The following NDST4 variants were observed in gnomAD, a reference collection of about 807,000 sequenced individuals.
The protein encoded by NDST4 is N-deacetylase and N-sulfotransferase 4, also known as N-heparan sulfate sulfotransferase 4.
Under a neutral mutation model 100.8 loss-of-function variants are expected in NDST4, and 63 were observed. The ratio of observed to expected loss-of-function variants is 0.62; its 90% CI spans 0.51 to 0.77. NDST4 has a LOEUF of 0.77. NDST4 is among the 30% of genes least tolerant of loss of function. The pLI is 0.00. For missense variants in NDST4, 943 were observed against 1,018.4 expected, an observed-to-expected ratio of 0.93 and a Z score of 1.01; for synonymous variants, 377 against 361.8, an observed-to-expected ratio of 1.04 and a Z score of -0.48.
At chr4:115,112,641 A>C (rs955018047) in intron 1 of NDST4, among the ~76,000 whole-genome samples, 1 of 151,910 alleles carries the variant, frequency 6.6e-6, no homozygotes, top group Non-Finnish European at 1.5e-5. Context: ...AATCAGGACA[A>C]ATTCTAAGAA....
intron 1 of NDST4, among the ~76,000 whole-genome samples, chr4:115,100,719 T>C (rs1406399461): frequency 1.3e-5 from 2 of 151,984 alleles, no homozygotes; most frequent in Non-Finnish European, 2.9e-5. Flanking sequence ...GTTTCTCTAC[T>C]CTTCAATTTC....
intron 3 of NDST4, among the ~76,000 whole-genome samples, chr4:114,972,380 A>G (rs916152512): frequency 6.6e-6 from 1 of 151,942 alleles, no homozygotes; most frequent in Admixed American, 6.6e-5. Flanking sequence ...TGGCACCTTC[A>G]ATGCTACTAC....
At chr4:115,102,971 G>GTC (rs1729764081) in intron 1 of NDST4, among the ~76,000 whole-genome samples, 2 of 152,010 alleles carry the variant, frequency 1.3e-5, no homozygotes. Context: ...GCCTCCCAAA[G>GTC]TCCTGGGATT....
At chr4:115,087,549 T>C (rs1729433072) in intron 1 of NDST4, among the ~76,000 whole-genome samples, 1 of 152,162 alleles carries the variant, frequency 6.6e-6, no homozygotes, top group East Asian at 1.9e-4. Flanking sequence ...TTAAAGTTAC[T>C]GACTTAAGCT....
chr4:114,943,528 T>C (rs962040134), intron 4 of NDST4, among the ~76,000 whole-genome samples: 2 of 152,178 alleles, frequency 1.3e-5, no homozygotes, highest in African/African-American at 4.8e-5. Flanking sequence ...CTTATAGTCT[T>C]ACATGAATAT....
chr4:114,956,061 T>C (rs1196336629), intron 4 of NDST4: 1 of 152,216 alleles, frequency 6.6e-6, no homozygotes, highest in Non-Finnish European at 1.5e-5. Context: ...AAAGAAGCTG[T>C]ACTCTAAGTG....
At chr4:114,873,692 T>A (rs1724197925) in intron 6 of NDST4, among the ~76,000 whole-genome samples, 1 of 152,042 alleles carries the variant, frequency 6.6e-6, no homozygotes, top group South Asian at 2.1e-4. Context: ...TTCTTTATAA[T>A]CACCACAAAA....
intron 4 of NDST4, among the ~76,000 whole-genome samples, chr4:114,941,691 A>T (rs2126228166): frequency 6.6e-6 from 1 of 152,188 alleles, no homozygotes; most frequent in South Asian, 2.1e-4. Context: ...TTTGTTTTTA[A>T]CGGAGATCCT....
intron 1 of NDST4, among the ~76,000 whole-genome samples, chr4:115,110,511 C>A (rs1041648413): frequency 6.6e-6 from 1 of 151,868 alleles, no homozygotes; most frequent in Non-Finnish European, 1.5e-5. Context: ...TATGCTACAA[C>A]AGTATTTAGT....
chr4:114,943,159 C>T (rs74832362), intron 4 of NDST4, among the ~76,000 whole-genome samples: 1 of 149,302 alleles, frequency 6.7e-6, no homozygotes, highest in African/African-American at 2.4e-5. Context: ...ATGTATTTCC[C>T]ATAAAATTCA....
At chr4:114,850,838 T>C (rs980670087) in intron 8 of NDST4, among the ~76,000 whole-genome samples, 1 of 152,190 alleles carries the variant, frequency 6.6e-6, no homozygotes, top group Non-Finnish European at 1.5e-5. Flanking sequence ...AGAATTTGAC[T>C]CTGAATGATG....
At chr4:115,047,880 T>C (rs2126277376) in intron 2 of NDST4, among the ~76,000 whole-genome samples, 1 of 152,262 alleles carries the variant, frequency 6.6e-6, no homozygotes, top group African/African-American at 2.4e-5. Flanking sequence ...ATAAAAATAA[T>C]GACTTGTCAA....
At chr4:115,093,469 C>A (rs112725339) in intron 1 of NDST4, among the ~76,000 whole-genome samples, 1,945 of 151,080 alleles carry the variant, frequency 0.013, 42 homozygotes, top group African/African-American at 0.045. Flanking sequence ...AGCAAGACTC[C>A]GTCTCAAAAA....
At chr4:114,966,289 C>T (rs1485273047) in intron 4 of NDST4, among the ~76,000 whole-genome samples, 1 of 151,926 alleles carries the variant, frequency 6.6e-6, no homozygotes, top group Non-Finnish European at 1.5e-5. Flanking sequence ...ATTCACATGG[C>T]ATATGTGTGT....
chr4:115,006,854 G>T (rs1727430643), intron 2 of NDST4, among the ~76,000 whole-genome samples: 1 of 152,046 alleles, frequency 6.6e-6, no homozygotes, highest in Non-Finnish European at 1.5e-5. Context: ...AATGGTTATG[G>T]TGTGAATGGA....
chr4:115,046,737 G>C (rs561396216), intron 2 of NDST4, among the ~76,000 whole-genome samples: 2 of 152,138 alleles, frequency 1.3e-5, no homozygotes, highest in East Asian at 3.9e-4. Context: ...CTGGAAAATT[G>C]TTTATTCAGG....
At chr4:114,851,190 A>G (rs1723668413) in intron 8 of NDST4, among the ~76,000 whole-genome samples, 1 of 151,848 alleles carries the variant, frequency 6.6e-6, no homozygotes, top group African/African-American at 2.4e-5. Context: ...CGTATTTGTG[A>G]CCCCCCTGCA....
At chr4:114,853,955 T>C (rs1723734196) in intron 7 of NDST4, among the ~76,000 whole-genome samples, 1 of 152,180 alleles carries the variant, frequency 6.6e-6, no homozygotes, top group Non-Finnish European at 1.5e-5. Flanking sequence ...ATTTATCATT[T>C]CTTGTAGTAC....
chr4:115,086,259 G>C (rs930298794), intron 1 of NDST4, among the ~76,000 whole-genome samples: 6 of 151,974 alleles, frequency 3.9e-5, no homozygotes, highest in African/African-American at 7.2e-5. Context: ...AAAATATTAT[G>C]ATATTATTTT....
Sources: allele counts gnomAD v4.1 joint callset (sites outside exome capture counted in the v4.1 genomes callset), GRCh38; gene constraint gnomAD v4.1.1; transcripts MANE v1.5; gene names NCBI Gene and HGNC (gene_info 2026-07-23, HGNC 2026-07-21).